The following NFATC1 variants were observed in gnomAD, a reference collection of about 807,000 sequenced individuals.
NFATC1 encodes nuclear factor of activated T cells 1.
In NFATC1, 22 loss-of-function variants were observed where a neutral mutation model predicts 76.0. The observed-to-expected ratio is 0.29, with a 90% CI of 0.21 to 0.41. The LOEUF is 0.41. Ranked by LOEUF, NFATC1 falls within the 10% of genes least tolerant of loss-of-function variation. NFATC1 has a pLI of 1.00. For missense variants in NFATC1, 1,357 were observed against 1,337.7 expected, an observed-to-expected ratio of 1.01 and a Z score of -0.23; for synonymous variants, 704 against 613.1, an observed-to-expected ratio of 1.15 and a Z score of -2.19.
chr18:79,499,255 A>G (rs2089963402), intron 9 of NFATC1, among the ~76,000 whole-genome samples: 1 of 152,264 alleles, frequency 6.6e-6, no homozygotes, highest in South Asian at 2.1e-4. Flanking sequence ...ACATATTATT[A>G]GAACTCAGTA....
At chr18:79,455,978 T>C (rs893689343) in intron 6 of NFATC1, among the ~76,000 whole-genome samples, 3 of 152,080 alleles carry the variant, frequency 2.0e-5, no homozygotes, top group African/African-American at 7.2e-5. Flanking sequence ...GCCAAATGTA[T>C]GTTGTTATTT....
intron 9 of NFATC1, among the ~76,000 whole-genome samples, chr18:79,520,211 T>C (rs2090482386): frequency 7.2e-6 from 1 of 138,490 alleles, no homozygotes. Flanking sequence ...GATCCCCCGC[T>C]GCGCTGCCGG....
intron 6 of NFATC1, among the ~76,000 whole-genome samples, chr18:79,460,123 C>T (rs981377348): frequency 2.6e-5 from 4 of 152,172 alleles, no homozygotes; most frequent in Admixed American, 1.3e-4. Context: ...CTGGCATGGC[C>T]AGGGCTTGGC....
intron 9 of NFATC1, among the ~76,000 whole-genome samples, chr18:79,507,237 G>T (rs2090137592): frequency 6.6e-6 from 1 of 152,232 alleles, no homozygotes; most frequent in African/African-American, 2.4e-5. Flanking sequence ...AGGAAGTAGG[G>T]CCTGGAAACC....
At chr18:79,406,790 C>G (rs1042501944) in intron 1 of NFATC1, among the ~76,000 whole-genome samples, 6 of 152,202 alleles carry the variant, frequency 3.9e-5, no homozygotes, top group African/African-American at 1.4e-4. Context: ...CCGCGCCTTC[C>G]TTCTGTCCAC....
chr18:79,406,278 G>T (rs971755576), intron 1 of NFATC1, among the ~76,000 whole-genome samples: 1 of 152,274 alleles, frequency 6.6e-6, no homozygotes, highest in Admixed American at 6.5e-5. Context: ...AACAGGAAGT[G>T]TAGGAATCTG....
In NFATC1 at chr18:79,462,023, G is replaced by A. The variant is rs371738367; in HGVS notation, c.1959+657G>A. On this transcript the variant is annotated intron_variant, in intron 7 of 9. Coordinates refer to ENST00000427363, the MANE Select transcript of NFATC1 (RefSeq NM_001278669.2). ...GCTGGGTCACACTTCTGCTGTCACCGGGCCGTTTCCAACTCCCCCAGTCAC... is the reference window on the plus strand; with the variant it reads ...GCTGGGTCACACTTCTGCTGTCACCAGGCCGTTTCCAACTCCCCCAGTCAC... Among the ~76,000 whole-genome samples the A allele has an allele frequency of 1.9e-4, 29 of 152,306 alleles. No individual in the cohort carries two copies. The South Asian group carries it at 2.1e-3, about 11-fold the overall frequency.
chr18:79,398,541 G>C (rs1424690734), intron 1 of NFATC1, among the ~76,000 whole-genome samples: 3 of 152,210 alleles, frequency 2.0e-5, no homozygotes. Context: ...TGGGGCGGGG[G>C]AAGGGGGGGC....
At chr18:79,406,334 G>C (rs2085436810) in intron 1 of NFATC1, among the ~76,000 whole-genome samples, 1 of 152,238 alleles carries the variant, frequency 6.6e-6, no homozygotes, top group Non-Finnish European at 1.5e-5. Flanking sequence ...TCTGGACAGT[G>C]AGGGGAAGTG....
At chr18:79,441,457 A>G (rs891469401) in intron 3 of NFATC1, among the ~76,000 whole-genome samples, 2 of 152,014 alleles carry the variant, frequency 1.3e-5, no homozygotes, top group African/African-American at 4.8e-5. Flanking sequence ...TGGAGCTGGG[A>G]GGGCTTGTGG....
At chr18:79,508,623 C>G (rs978660728) in intron 9 of NFATC1, among the ~76,000 whole-genome samples, 2 of 152,104 alleles carry the variant, frequency 1.3e-5, no homozygotes, top group African/African-American at 2.4e-5. Context: ...CTATCCCTCT[C>G]TCTGTCTCTG....
At chr18:79,427,058 G>C (rs116181752) in intron 2 of NFATC1, among the ~76,000 whole-genome samples, 3,668 of 152,320 alleles carry the variant, frequency 0.024, 151 homozygotes, top group African/African-American at 0.081. Flanking sequence ...GCTGGGCTCT[G>C]GGTGCGGCTG....
rs528150932 is a variant in NFATC1, at chr18:79,450,855, C to T, written c.1590-99C>T. On this transcript the variant is annotated intron_variant, in intron 4 of 9. Coordinates refer to ENST00000427363, the MANE Select transcript of NFATC1 (RefSeq NM_001278669.2). ...AGTGGCCAGCTGCCTGGCACGAGCT[C>T]GTGGGGCTGGGATGAGGGCCAGAGG... 1.7e-5 allele frequency: 25 copies of T among 1,454,558 alleles called. No individual in the cohort carries two copies. In the African/African-American group the frequency reaches 2.3e-4, roughly 13 times the overall value. 90.1% of individuals were successfully genotyped at this position (1,454,558 alleles called of 1,614,324 possible).
chr18:79,434,743 TA>T (rs1219238022), intron 3 of NFATC1, among the ~76,000 whole-genome samples: 7 of 152,186 alleles, frequency 4.6e-5, no homozygotes, highest in Admixed American at 3.9e-4. Context: ...TTTAGATAAA[TA>T]GTGGAGAGAA....
chr18:79,407,813 G>A (rs562861354), intron 1 of NFATC1, among the ~76,000 whole-genome samples: 19 of 152,312 alleles, frequency 1.2e-4, no homozygotes, highest in African/African-American at 3.8e-4. Context: ...CCGTCCTCTT[G>A]AGGGCATTTC....
At chr18:79,434,111 A>G (rs1473023302) in intron 3 of NFATC1, among the ~76,000 whole-genome samples, 1 of 152,216 alleles carries the variant, frequency 6.6e-6, no homozygotes, top group Non-Finnish European at 1.5e-5. Flanking sequence ...TCAGAAATGC[A>G]GGTTCTGTGG....
chr18:79,457,273 CCT>C (rs1188603479), intron 6 of NFATC1, among the ~76,000 whole-genome samples: 1 of 152,156 alleles, frequency 6.6e-6, no homozygotes, highest in African/African-American at 2.4e-5. Flanking sequence ...TTCCTCATGC[CCT>C]GAGGATGGCT....
At chr18:79,507,466 G>A (rs1345136289) in intron 9 of NFATC1, among the ~76,000 whole-genome samples, 3 of 152,270 alleles carry the variant, frequency 2.0e-5, no homozygotes, top group Admixed American at 6.5e-5. Context: ...GGCTGGCGCA[G>A]CCTCTGCCAA....
intron 9 of NFATC1, among the ~76,000 whole-genome samples, chr18:79,491,728 C>T (rs1348312033): frequency 6.6e-6 from 1 of 152,222 alleles, no homozygotes; most frequent in Admixed American, 6.5e-5. Flanking sequence ...CAGATTTAGT[C>T]TCCAGCCCTC....
Sources: gnomAD v4.1 joint callset for allele counts (sites outside exome capture counted in the v4.1 genomes callset) on GRCh38, gnomAD v4.1.1 for gene constraint, MANE v1.5 for transcripts, NCBI Gene and HGNC (gene_info 2026-07-23, HGNC 2026-07-21) for gene names.